TRAF3IP2: variants seen among roughly 807,000 people sequenced by gnomAD.
TRAF3IP2 encodes E3 ubiquitin ligase TRAF3IP2.
Under a neutral mutation model 57.9 loss-of-function variants are expected in TRAF3IP2, and 35 were observed. The observed-to-expected ratio is 0.60, with a 90% CI of 0.46 to 0.80. The LOEUF is 0.80. TRAF3IP2 is among the 30% of genes least tolerant of loss of function. The pLI, the probability that TRAF3IP2 is intolerant of heterozygous loss-of-function variation, is 0.00. For synonymous variants in TRAF3IP2, 251 were observed against 268.9 expected (o/e 0.93, Z 0.65); for missense variants, 556 against 706.4 (o/e 0.79, Z 2.41).
At chr6:111,577,890 T>G (rs1260250336) in intron 3 of TRAF3IP2, among the ~76,000 whole-genome samples, 1 of 152,048 alleles carries the variant, frequency 6.6e-6, no homozygotes, top group African/African-American at 2.4e-5. Context: ...TTTTGTATTT[T>G]TTTGTAGAGA....
At chr6:111,583,918 G>A (rs997493075) in intron 2 of TRAF3IP2, among the ~76,000 whole-genome samples, 26 of 152,146 alleles carry the variant, frequency 1.7e-4, no homozygotes, top group African/African-American at 6.3e-4. Flanking sequence ...GTAGGAAGGA[G>A]AAACACAAGG....
At position 111,572,985 on chromosome 6, in the gene TRAF3IP2, T is replaced by C. The variant is rs1562423331; in HGVS notation, c.1202-2A>G. 3 of 1,610,484 alleles carry C rather than the reference T, an allele frequency of 1.9e-6. No homozygotes were observed. Among genetic ancestry groups the C allele is most frequent in the Non-Finnish European group, 1.7e-6 (2 of 1,177,998 alleles). On this transcript the variant is annotated splice_acceptor_variant, in intron 4 of 8. Transcript: ENST00000368761. LOFTEE classifies it high-confidence loss of function. ...TCGAATAAGTGATAAAGACTTTCCC[T>C]AAGAGAAAATTTTTACATTTATTAG...
intron 1 of TRAF3IP2, among the ~76,000 whole-genome samples, chr6:111,595,857 TGA>T (rs1338135160): frequency 1.3e-5 from 2 of 149,268 alleles, no homozygotes; most frequent in Admixed American, 6.7e-5. Context: ...AGGTATGCAG[TGA>T]GAGATAATCA....
At chr6:111,594,440 T>C (rs995217347) in intron 1 of TRAF3IP2, 6 of 424,620 alleles carry the variant, frequency 1.4e-5, no homozygotes, top group Non-Finnish European at 2.8e-5. Context: ...TCACTGGGTT[T>C]TCCAGTGTGA....
intron 2 of TRAF3IP2, among the ~76,000 whole-genome samples, chr6:111,581,891 A>G (rs1260069789): frequency 6.6e-6 from 1 of 151,852 alleles, no homozygotes; most frequent in East Asian, 1.9e-4. Context: ...GGCAGGAGAA[A>G]CCCTTGAACT....
chr6:111,571,598 A>AT (rs113759735), intron 5 of TRAF3IP2, among the ~76,000 whole-genome samples: 11 of 152,302 alleles, frequency 7.2e-5, no homozygotes, highest in African/African-American at 2.6e-4. Context: ...AGTTGTATGC[A>AT]TTTTTTAAAA....
Position 111,555,760 on chromosome 6 carries a change from A to T in TRAF3IP2, c.*3645T>A, listed in dbSNP as rs190424035. On this transcript the variant is annotated 3_prime_UTR_variant, in exon 9 of 9. Coordinates refer to ENST00000368761, the MANE Select transcript of TRAF3IP2 (RefSeq NM_147686.4). Reference sequence around the variant, plus strand: ...TGCCTGAGGACCAGCATAACATCTAAATCAACCGAGTGTTAATCTTATTGT... The same window carrying T: ...TGCCTGAGGACCAGCATAACATCTATATCAACCGAGTGTTAATCTTATTGT... Among the ~76,000 whole-genome samples, 37 of 152,316 alleles carry T rather than the reference A, an allele frequency of 2.4e-4. No homozygotes were observed. The highest frequency in any genetic ancestry group is 8.7e-4 in the African/African-American group (36 of 41,558).
intron 3 of TRAF3IP2, among the ~76,000 whole-genome samples, chr6:111,579,340 A>G (rs1238772113): frequency 1.4e-5 from 2 of 142,698 alleles, no homozygotes; most frequent in African/African-American, 5.3e-5. Context: ...AAAAAAAAAA[A>G]GATTGAAGAG....
At chr6:111,575,912 C>G (rs1795972235) in intron 3 of TRAF3IP2, 91 bp from the exon 4 acceptor site, 2 of 1,221,788 alleles carry the variant, frequency 1.6e-6, no homozygotes, top group East Asian at 5.1e-5. Context: ...GGGAAGATCC[C>G]AGTGGGCTCT....
intron 3 of TRAF3IP2, among the ~76,000 whole-genome samples, chr6:111,579,038 A>T (rs117523685): frequency 1.6e-3 from 251 of 152,286 alleles, no homozygotes; most frequent in African/African-American, 5.8e-3. Context: ...GGGAAAAAAA[A>T]TGATTAAAGA....
chr6:111,567,590 A>G (rs756130399), intron 6 of TRAF3IP2, 34 bp downstream of exon 6: 26 of 1,586,272 alleles, frequency 1.6e-5, no homozygotes, highest in Admixed American at 7.1e-5. Context: ...CTTTCTCACC[A>G]GAAAACAAAC....
At chr6:111,605,574 T>C (rs1370007235) in intron 1 of TRAF3IP2, among the ~76,000 whole-genome samples, 2 of 152,138 alleles carry the variant, frequency 1.3e-5, no homozygotes, top group Non-Finnish European at 2.9e-5. Context: ...AATACTATAC[T>C]AGCAACACAT....
chr6:111,592,028 A>G lies in TRAF3IP2; in HGVS notation c.59T>C (p.Leu20Pro). The G allele has an allele frequency of 6.2e-7, 1 of 1,614,248 alleles. No individual in the cohort carries two copies. The highest frequency in any genetic ancestry group is 8.5e-7 in the Non-Finnish European group (1 of 1,180,028). ...CGGGGAATATTCTGGGATTGGTTTC[A>G]GCAACTGACTTGGGTATGGTTCTGA... ...DESEPYPSQL[L>P]KPIPEYSPEE... The change falls in exon 2 of 9, where the codon CTG (leucine) becomes CCG (proline). Residue 20 changes from leucine (L) to proline (P), a missense_variant. By Grantham distance (98) the Leu-to-Pro change is moderately conservative. This residue lies in a region of TRAF3IP2 where 428 missense variants were observed against 498.7 expected (regional missense o/e 0.86). Coordinates refer to ENST00000368761, the MANE Select transcript of TRAF3IP2 (RefSeq NM_147686.4).
At position 111,592,068 on chromosome 6, in the gene TRAF3IP2, C is replaced by A. The variant is rs754747320; in HGVS notation, c.19G>T (p.Val7Leu). The change falls in exon 2 of 9, where the codon GTG becomes TTG. Residue 7 changes from valine to leucine, a missense_variant. Physicochemically the swap from Val to Leu is conservative, Grantham distance 32 (BLOSUM62 1). Transcript: ENST00000368761. ...TATGGTTCTGATTCATCAACCTCCA[C>A]AGGAATGCTTCGGTTCATTCTAGTT... MNRSIPVEVDESEPYPS... is the reference protein window; with the variant it reads MNRSIPLEVDESEPYPS... 1.9e-6 allele frequency: 3 copies of A among 1,613,896 alleles called. No homozygotes were observed. The African/African-American group carries it at 4.0e-5, about 22-fold the overall frequency.
At chr6:111,571,649 G>A (rs1036963603) in intron 5 of TRAF3IP2, among the ~76,000 whole-genome samples, 4 of 152,040 alleles carry the variant, frequency 2.6e-5, no homozygotes, top group African/African-American at 9.7e-5. Context: ...TGTCTTGGCC[G>A]AGTGCAGTGA....
At chr6:111,566,056 G>A (rs537361294) in intron 7 of TRAF3IP2, among the ~76,000 whole-genome samples, 3 of 152,256 alleles carry the variant, frequency 2.0e-5, no homozygotes, top group Admixed American at 1.3e-4. Flanking sequence ...CTGCCTTTCT[G>A]AAAAGGTAGG....
In TRAF3IP2 at chr6:111,566,568, T is replaced by C. The variant is rs1168446627; in HGVS notation, c.1360-8A>G. The C allele has an allele frequency of 6.2e-7, 1 of 1,611,704 alleles. No individual in the cohort carries two copies. The highest frequency in any genetic ancestry group is 8.5e-7 in the Non-Finnish European group (1 of 1,177,880). ...GATTATCATCACGGTCTTCTGTTAA[T>C]GAGAGGGAGAAAGGCATGTTTATGG... On this transcript the variant is annotated splice_region_variant and splice_polypyrimidine_tract_variant and intron_variant, in intron 6 of 8. Coordinates refer to ENST00000368761, the MANE Select transcript of TRAF3IP2 (RefSeq NM_147686.4).
rs755224720 is a variant in TRAF3IP2, at chr6:111,572,983, C to T, written c.1202G>A (p.Arg401Gln). The change falls in exon 5 of 9, where the codon CGG (arginine) becomes CAG (glutamine). Residue 401 changes from arginine (R) to glutamine (Q), a missense_variant and splice_region_variant. Transcript: ENST00000368761. ...CATCGAATAAGTGATAAAGACTTTC[C>T]CTAAGAGAAAATTTTTACATTTATT... Reference protein sequence around the residue: ...LKTSNLPEELRKVFITYSMDT... With the variant: ...LKTSNLPEELQKVFITYSMDT... 6.2e-7 allele frequency: 1 copy of T among 1,611,414 alleles called. No individual in the cohort carries two copies.
intron 5 of TRAF3IP2, among the ~76,000 whole-genome samples, chr6:111,567,987 C>A (rs1471060125): frequency 6.6e-6 from 1 of 152,122 alleles, no homozygotes; most frequent in African/African-American, 2.4e-5. Flanking sequence ...CTGAGGGACA[C>A]GGTATACCAC....
Sources: allele counts gnomAD v4.1 joint callset (sites outside exome capture counted in the v4.1 genomes callset), GRCh38; gene constraint gnomAD v4.1.1; regional missense constraint gnomAD v4.1.1; transcripts MANE v1.5; gene names NCBI Gene and HGNC (gene_info 2026-07-23, HGNC 2026-07-21).